Variants in CYP4X1 observed in about 807,000 individuals in gnomAD.
CYP4X1 encodes the protein cytochrome P450 4X1.
In CYP4X1, 44 loss-of-function variants were observed where a neutral mutation model predicts 57.9. The observed-to-expected ratio is 0.76, with a 90% confidence interval of 0.60 to 0.98. CYP4X1 has a LOEUF of 0.98. Ranked by LOEUF, CYP4X1 falls within the 50% of genes least tolerant of loss-of-function variation. CYP4X1 has a pLI of 0.00. For missense variants in CYP4X1, 532 were observed against 623.9 expected (o/e 0.85, Z 1.57); for synonymous variants, 227 against 228.6 (o/e 0.99, Z 0.06).
At chr1:47,034,976 G>T (rs149215916) in intron 4 of CYP4X1, among the ~76,000 whole-genome samples, 2 of 151,540 alleles carry the variant, frequency 1.3e-5, no homozygotes, top group African/African-American at 4.8e-5. Flanking sequence ...TGAGAAAAAG[G>T]CTCTTTGACT....
chr1:47,026,269 G>T (rs1215921209), intron 1 of CYP4X1, among the ~76,000 whole-genome samples: 1 of 152,168 alleles, frequency 6.6e-6, no homozygotes, highest in Non-Finnish European at 1.5e-5. Context: ...AATGCTTGAG[G>T]GGATGGGTAC....
chr1:47,045,269 GC>G lies in CYP4X1; in HGVS notation c.1074-1197del, dbSNP rs1180423595. 4.6e-5 allele frequency among the ~76,000 whole-genome samples: 7 copies of G among 152,242 alleles called. No homozygotes were observed. The East Asian group carries it at 9.6e-4, about 21-fold the overall frequency. On this transcript the variant is annotated intron_variant, in intron 8 of 11. Coordinates refer to ENST00000371901, the MANE Select transcript of CYP4X1 (RefSeq NM_178033.2). ...AATAAGATAAACAGACTAAATATAT[GC>G]AGTCATTTTATGGAACCAATCTGAC...
the CYP4X1 span, among the ~76,000 whole-genome samples, chr1:46,963,168 C>T: frequency 6.4e-3 from 982 of 152,266 alleles, 7 homozygotes; most frequent in African/African-American, 0.023. Flanking sequence ...GGATGGGTTT[C>T]CTGAATACAG....
chr1:47,055,172 A>T (rs901877827), downstream of CYP4X1, among the ~76,000 whole-genome samples: 1 of 152,174 alleles, frequency 6.6e-6, no homozygotes, highest in Non-Finnish European at 1.5e-5. Flanking sequence ...ATCTGTTGAC[A>T]TAATCATGTG....
At chr1:47,005,722 C>A in the CYP4X1 span, among the ~76,000 whole-genome samples, 1 of 152,120 alleles carries the variant, frequency 6.6e-6, no homozygotes, top group African/African-American at 2.4e-5. Context: ...TTAAAATTAT[C>A]GGTGGAACAA....
chr1:47,023,772 C>T lies in CYP4X1; in HGVS notation c.-46C>T, dbSNP rs1348883820. 3 of 1,589,356 alleles carry T rather than the reference C, an allele frequency of 1.9e-6. No homozygotes were observed. Among genetic ancestry groups the T allele is most frequent in the Non-Finnish European group, 2.6e-6 (3 of 1,166,468 alleles). ...CTCCGGGCGGGAGAAAGCCCACCCT[C>T]TCCCGCGCCCCAGGAAACCGCCGGC... On this transcript the variant is annotated 5_prime_UTR_variant, in exon 1 of 12. Coordinates refer to ENST00000371901, the MANE Select transcript of CYP4X1 (RefSeq NM_178033.2).
chr1:47,021,735 G>A (rs1205868890), upstream of CYP4X1, among the ~76,000 whole-genome samples: 1 of 152,212 alleles, frequency 6.6e-6, no homozygotes, highest in Admixed American at 6.5e-5. Context: ...TGGCCCTGGA[G>A]CAGAGGAGTA....
the CYP4X1 span, among the ~76,000 whole-genome samples, chr1:47,018,043 T>C: frequency 6.0e-3 from 910 of 152,292 alleles, 7 homozygotes; most frequent in Admixed American, 0.012. Flanking sequence ...CTACATCCAG[T>C]CACCAACTCC....
At chr1:47,020,334 C>T (rs1441624496), upstream of CYP4X1, among the ~76,000 whole-genome samples, 18 of 152,220 alleles carry the variant, frequency 1.2e-4, no homozygotes, top group Non-Finnish European at 2.6e-4. Context: ...GTGCTCAGGG[C>T]AATACATGGC....
intron 8 of CYP4X1, among the ~76,000 whole-genome samples, chr1:47,043,321 C>G: frequency 6.6e-6 from 1 of 151,588 alleles, no homozygotes; most frequent in Non-Finnish European, 1.5e-5. Context: ...TTTTTTCTTG[C>G]TAATTTGAGT....
downstream of CYP4X1, among the ~76,000 whole-genome samples, chr1:47,054,744 G>C (rs1557614971): frequency 6.6e-6 from 1 of 152,158 alleles, no homozygotes; most frequent in Non-Finnish European, 1.5e-5. Context: ...GTATAAGAAT[G>C]CTTGTGATTT....
At chr1:47,005,824 T>G in the CYP4X1 span, among the ~76,000 whole-genome samples, 1 of 152,248 alleles carries the variant, frequency 6.6e-6, no homozygotes, top group Non-Finnish European at 1.5e-5. Context: ...GTGTTTGGCA[T>G]AGAAAGTTAT....
the CYP4X1 span, among the ~76,000 whole-genome samples, chr1:46,977,939 AC>A: frequency 6.6e-6 from 1 of 152,146 alleles, no homozygotes; most frequent in Non-Finnish European, 1.5e-5. Context: ...AGATTTTGTC[AC>A]CACCAGGACT....
the CYP4X1 span, among the ~76,000 whole-genome samples, chr1:47,003,736 G>A: frequency 3.9e-5 from 6 of 152,196 alleles, no homozygotes; most frequent in East Asian, 5.8e-4. Flanking sequence ...GCACCAAGCC[G>A]TGAAGGATCT....
the CYP4X1 span, among the ~76,000 whole-genome samples, chr1:46,996,956 C>T: frequency 2.0e-4 from 31 of 152,280 alleles, no homozygotes; most frequent in African/African-American, 7.2e-4. Flanking sequence ...CCTTGTTCAG[C>T]GTTTAGGCAA....
At chr1:46,989,037 A>G in the CYP4X1 span, among the ~76,000 whole-genome samples, 2 of 152,186 alleles carry the variant, frequency 1.3e-5, no homozygotes, top group South Asian at 4.1e-4. Flanking sequence ...TAGTATTGGC[A>G]GTTCTGGCCA....
the CYP4X1 span, among the ~76,000 whole-genome samples, chr1:47,007,343 C>T: frequency 6.6e-6 from 1 of 152,222 alleles, no homozygotes; most frequent in Non-Finnish European, 1.5e-5. Context: ...CCAGCAAACA[C>T]CAACAGACCT....
intron 1 of CYP4X1, among the ~76,000 whole-genome samples, chr1:47,028,138 A>G (rs1056063454): frequency 6.6e-6 from 1 of 152,184 alleles, no homozygotes; most frequent in African/African-American, 2.4e-5. Context: ...TAGCCAACAT[A>G]TGGGACCTAG....
the CYP4X1 span, among the ~76,000 whole-genome samples, chr1:47,005,112 C>A: frequency 6.6e-6 from 1 of 152,070 alleles, no homozygotes; most frequent in Non-Finnish European, 1.5e-5. Context: ...AGGGGGATGC[C>A]CTGAGGAATC....
Sources: allele counts gnomAD v4.1 joint callset (sites outside exome capture counted in the v4.1 genomes callset), GRCh38; gene constraint gnomAD v4.1.1; transcripts MANE v1.5; gene names NCBI Gene and HGNC (gene_info 2026-07-23, HGNC 2026-07-21).